Variants in SLC24A3 observed in about 807,000 individuals in gnomAD.
The protein encoded by SLC24A3 is solute carrier family 24 member 3.
A neutral mutation model predicts 75.8 loss-of-function variants in SLC24A3; 28 were observed. That is an observed-to-expected ratio of 0.37 (90% CI 0.27 to 0.51). The LOEUF (loss-of-function observed/expected upper bound fraction) is 0.51. Among genes scored for constraint, SLC24A3 ranks in the 20% least tolerant of loss-of-function variants. The pLI is 0.94. For missense variants in SLC24A3, 663 were observed against 847.8 expected (o/e 0.78, Z 2.71); for synonymous variants, 372 against 334.1 (o/e 1.11, Z -1.24).
chr20:19,600,120 G>T (rs2031509673), intron 6 of SLC24A3, among the ~76,000 whole-genome samples: 1 of 152,134 alleles, frequency 6.6e-6, no homozygotes, highest in African/African-American at 2.4e-5. Flanking sequence ...TTGAGAATCA[G>T]GTCAGGGTGG....
At chr20:19,570,706 A>C (rs2031039215) in intron 3 of SLC24A3, among the ~76,000 whole-genome samples, 1 of 152,204 alleles carries the variant, frequency 6.6e-6, no homozygotes, top group African/African-American at 2.4e-5. Context: ...TCTGTGAAAC[A>C]TGAGTAATAT....
intron 6 of SLC24A3, among the ~76,000 whole-genome samples, chr20:19,640,469 C>A (rs1056505928): frequency 2.0e-5 from 3 of 151,974 alleles, no homozygotes; most frequent in African/African-American, 7.2e-5. Context: ...ATTTTTTAAG[C>A]AAAAATATTT....
chr20:19,569,771 G>A (rs2031022382), intron 3 of SLC24A3, among the ~76,000 whole-genome samples: 2 of 152,102 alleles, frequency 1.3e-5, no homozygotes, highest in African/African-American at 4.8e-5. Flanking sequence ...CACTTACCAG[G>A]CTGCAGCAAC....
chr20:19,476,564 A>C (rs1987965003), intron 2 of SLC24A3, among the ~76,000 whole-genome samples: 1 of 152,236 alleles, frequency 6.6e-6, no homozygotes, highest in Non-Finnish European at 1.5e-5. Flanking sequence ...GAAGAGAATA[A>C]AAAGACAAGC....
chr20:19,654,682 C>G (rs1400967751), intron 7 of SLC24A3, among the ~76,000 whole-genome samples: 1 of 126,408 alleles, frequency 7.9e-6, no homozygotes, highest in Non-Finnish European at 1.6e-5. Flanking sequence ...GAGTCTCACT[C>G]TGTTGCCCAG....
chr20:19,351,517 A>G (rs1053597502), intron 2 of SLC24A3, among the ~76,000 whole-genome samples: 1 of 151,810 alleles, frequency 6.6e-6, no homozygotes, highest in African/African-American at 2.4e-5. Flanking sequence ...AGCTTTTCCA[A>G]TTTTTGCTGT....
At chr20:19,438,380 G>A (rs1042832968) in intron 2 of SLC24A3, among the ~76,000 whole-genome samples, 2 of 152,176 alleles carry the variant, frequency 1.3e-5, no homozygotes, top group Non-Finnish European at 2.9e-5. Flanking sequence ...TTCAATGTCC[G>A]GCTCCTGGCC....
chr20:19,703,315 C>A (rs2032894730), intron 15 of SLC24A3, among the ~76,000 whole-genome samples: 1 of 152,182 alleles, frequency 6.6e-6, no homozygotes, highest in Admixed American at 6.5e-5. Context: ...CATCCACGTT[C>A]TTCCTTGTTT....
At chr20:19,577,697 C>T (rs1305071918) in intron 3 of SLC24A3, among the ~76,000 whole-genome samples, 4 of 152,238 alleles carry the variant, frequency 2.6e-5, no homozygotes, top group South Asian at 2.1e-4. Context: ...TACACATATA[C>T]ATAGATTATT....
At chr20:19,659,364 C>A (rs1025264716) in intron 7 of SLC24A3, among the ~76,000 whole-genome samples, 3 of 152,230 alleles carry the variant, frequency 2.0e-5, no homozygotes, top group Non-Finnish European at 4.4e-5. Context: ...GATTCACCTG[C>A]CACAGGTGCC....
intron 3 of SLC24A3, among the ~76,000 whole-genome samples, chr20:19,515,840 C>A (rs1414310271): frequency 6.6e-6 from 1 of 152,216 alleles, no homozygotes; most frequent in African/African-American, 2.4e-5. Context: ...ATGACTTAAC[C>A]CTACTCTCTG....
At chr20:19,269,547 C>T (rs1471568508) in intron 1 of SLC24A3, among the ~76,000 whole-genome samples, 1 of 152,238 alleles carries the variant, frequency 6.6e-6, no homozygotes, top group African/African-American at 2.4e-5. Flanking sequence ...ATTGTGGGTG[C>T]ACCTGTTGCC....
At chr20:19,666,522 A>AT (rs1223264488) in intron 8 of SLC24A3, among the ~76,000 whole-genome samples, 5 of 152,178 alleles carry the variant, frequency 3.3e-5, no homozygotes, top group Middle Eastern at 3.4e-3. Context: ...CCCAAAAAAA[A>AT]AATTGTGTCC....
At chr20:19,242,047 C>T (rs899740045) in intron 1 of SLC24A3, among the ~76,000 whole-genome samples, 2 of 152,170 alleles carry the variant, frequency 1.3e-5, no homozygotes, top group African/African-American at 4.8e-5. Flanking sequence ...GGCTCCAGCA[C>T]ATCTCTGTGT....
At chr20:19,661,771 C>T (rs1195052935) in intron 7 of SLC24A3, among the ~76,000 whole-genome samples, 2 of 152,130 alleles carry the variant, frequency 1.3e-5, no homozygotes, top group East Asian at 3.9e-4. Context: ...AGCCACCTGC[C>T]TCCCAGCTCA....
At chr20:19,447,143 A>T (rs1389783077) in intron 2 of SLC24A3, among the ~76,000 whole-genome samples, 1 of 152,178 alleles carries the variant, frequency 6.6e-6, no homozygotes, top group Non-Finnish European at 1.5e-5. Context: ...AATTCATTTG[A>T]TCTCCTTGAG....
At chr20:19,326,213 A>G (rs1279175146) in intron 2 of SLC24A3, among the ~76,000 whole-genome samples, 1 of 152,030 alleles carries the variant, frequency 6.6e-6, no homozygotes, top group African/African-American at 2.4e-5. Context: ...AAGGGCCCCC[A>G]TTACCGAGAT....
intron 2 of SLC24A3, among the ~76,000 whole-genome samples, chr20:19,486,357 A>C (rs1988127400): frequency 1.3e-5 from 2 of 152,242 alleles, no homozygotes; most frequent in African/African-American, 2.4e-5. Flanking sequence ...TCTTGATGGT[A>C]ACAGTGGTTG....
At position 19,237,899 on chromosome 20, in the gene SLC24A3, T is replaced by C. The variant is rs117338550; in HGVS notation, c.142+24915T>C. 1.8e-3 allele frequency among the ~76,000 whole-genome samples: 276 copies of C among 152,308 alleles called. 12 individuals are homozygous for C. In the East Asian group the frequency reaches 0.041, roughly 23 times the overall value. On this transcript the variant is annotated intron_variant, in intron 1 of 16. Transcript: ENST00000328041. ...TCTGTCGGTTTTACTTTCAGTCGATTTTACGGGTGCCTGAGCGGCTGTAAC... is the reference window on the plus strand; with the variant it reads ...TCTGTCGGTTTTACTTTCAGTCGATCTTACGGGTGCCTGAGCGGCTGTAAC...
Sources: gnomAD v4.1 joint callset for allele counts (sites outside exome capture counted in the v4.1 genomes callset) on GRCh38, gnomAD v4.1.1 for gene constraint, MANE v1.5 for transcripts, NCBI Gene and HGNC (gene_info 2026-07-23, HGNC 2026-07-21) for gene names.